The following DMXL1 variants were observed in gnomAD, a reference collection of about 807,000 sequenced individuals.
DMXL1 encodes the protein dmX-like protein 1.
In DMXL1, 99 loss-of-function variants were observed where a neutral mutation model predicts 319.2. That is an observed-to-expected ratio of 0.31 (90% confidence interval 0.26 to 0.37). DMXL1 has a LOEUF of 0.37. DMXL1 is among the 10% of genes least tolerant of loss of function. The pLI is 1.00. For missense variants in DMXL1, 3,745 were observed against 3,595.6 expected, an observed-to-expected ratio of 1.04 and a Z score of -1.06; for synonymous variants, 1,385 against 1,235.2, an observed-to-expected ratio of 1.12 and a Z score of -2.54.
intron 13 of DMXL1, among the ~76,000 whole-genome samples, chr5:119,140,186 ATAACC>A (rs1766994369): frequency 6.6e-6 from 1 of 152,222 alleles, no homozygotes; most frequent in Non-Finnish European, 1.5e-5. Flanking sequence ...TCTCAAACTA[ATAACC>A]TAACATCACT....
intron 30 of DMXL1, among the ~76,000 whole-genome samples, chr5:119,194,768 C>T (rs972102178): frequency 2.0e-5 from 3 of 151,880 alleles, no homozygotes; most frequent in African/African-American, 7.3e-5. Flanking sequence ...AAAAAATGAA[C>T]AAAGGGCTGG....
intron 28 of DMXL1, among the ~76,000 whole-genome samples, chr5:119,186,961 A>T (rs1205128793): frequency 6.6e-6 from 1 of 152,042 alleles, no homozygotes; most frequent in Non-Finnish European, 1.5e-5. Context: ...GCATTAGGAG[A>T]TATATCTAAT....
At chr5:119,223,779 A>G (rs762332144) in intron 37 of DMXL1, among the ~76,000 whole-genome samples, 3 of 152,176 alleles carry the variant, frequency 2.0e-5, no homozygotes, top group Admixed American at 6.5e-5. Context: ...TCCTGTGAAT[A>G]TTAAAAAAAG....
At position 119,214,470 on chromosome 5, in the gene DMXL1, G is replaced by A. The variant is rs563046420; in HGVS notation, c.7927-2431G>A. On this transcript the variant is annotated intron_variant, in intron 34 of 43. Transcript: ENST00000539542. ...CTTTTCAAAATCCACCAATGGTTTCGCTGCCTTAGAACAGGATTTGAACTC... is the reference window on the plus strand; with the variant it reads ...CTTTTCAAAATCCACCAATGGTTTCACTGCCTTAGAACAGGATTTGAACTC... Among the ~76,000 whole-genome samples the A allele has an allele frequency of 4.6e-5, 7 of 152,130 alleles. No homozygotes were observed. In the East Asian group the frequency reaches 7.7e-4, roughly 17 times the overall value.
At chr5:119,114,571 A>T (rs1242630003) in intron 6 of DMXL1, 30 bp downstream of exon 6, 1 of 1,481,596 alleles carries the variant, frequency 6.7e-7, no homozygotes, top group African/African-American at 1.4e-5. Context: ...TTGCCAAATT[A>T]TGTGTTTATA....
chr5:119,122,099 A>C (rs1430699559), intron 9 of DMXL1, among the ~76,000 whole-genome samples: 1 of 98,804 alleles, frequency 1.0e-5, no homozygotes. Context: ...TGACCCCCCC[A>C]CCTCCCTCCC....
intron 38 of DMXL1, among the ~76,000 whole-genome samples, chr5:119,232,034 C>T (rs901567698): frequency 2.6e-5 from 4 of 151,996 alleles, no homozygotes; most frequent in Non-Finnish European, 5.9e-5. Context: ...TTTATGGCTA[C>T]TTACAGCACA....
intron 9 of DMXL1, chr5:119,126,706 T>G (rs1763658782): frequency 6.5e-6 from 1 of 153,194 alleles, no homozygotes; most frequent in Admixed American, 6.5e-5. Context: ...AACACTGATG[T>G]CCAAGCTGGC....
chr5:119,230,735 A>G (rs181927614), intron 38 of DMXL1, among the ~76,000 whole-genome samples: 29 of 152,280 alleles, frequency 1.9e-4, no homozygotes, highest in Non-Finnish European at 4.1e-4. Flanking sequence ...ACAAAAAATT[A>G]GCTGGGCGTG....
intron 13 of DMXL1, among the ~76,000 whole-genome samples, chr5:119,137,740 T>A (rs2150074093): frequency 6.6e-6 from 1 of 152,292 alleles, no homozygotes; most frequent in South Asian, 2.1e-4. Context: ...TCTTCCGCCA[T>A]GATTGTAAGT....
At chr5:119,113,181 G>T (rs1000288714) in intron 5 of DMXL1, among the ~76,000 whole-genome samples, 6 of 151,284 alleles carry the variant, frequency 4.0e-5, no homozygotes, top group African/African-American at 1.5e-4. Flanking sequence ...ATGTAGATCT[G>T]TACACCTGCA....
chr5:119,192,284 T>C (rs1778830615), intron 29 of DMXL1, among the ~76,000 whole-genome samples: 1 of 152,148 alleles, frequency 6.6e-6, no homozygotes, highest in Non-Finnish European at 1.5e-5. Context: ...TTTTCTCGAG[T>C]TTTACTCTGA....
chr5:119,218,215 A>C (rs1232115283), intron 35 of DMXL1, among the ~76,000 whole-genome samples: 2 of 151,808 alleles, frequency 1.3e-5, no homozygotes, highest in African/African-American at 4.8e-5. Flanking sequence ...TGTCTCTACA[A>C]AAAAAAATTA....
At chr5:119,143,635 C>G (rs562667078) in intron 13 of DMXL1, among the ~76,000 whole-genome samples, 1 of 151,950 alleles carries the variant, frequency 6.6e-6, no homozygotes, top group African/African-American at 2.4e-5. Flanking sequence ...TTATTTTTCT[C>G]TGTACCAACT....
intron 9 of DMXL1, among the ~76,000 whole-genome samples, chr5:119,122,490 C>T (rs1561641956): frequency 6.6e-6 from 1 of 151,836 alleles, no homozygotes; most frequent in Non-Finnish European, 1.5e-5. Flanking sequence ...GGCGGAGATG[C>T]TCCTCACTTC....
At chr5:119,152,640 C>T (rs750786027) in intron 19 of DMXL1, among the ~76,000 whole-genome samples, 2 of 152,104 alleles carry the variant, frequency 1.3e-5, no homozygotes, top group African/African-American at 4.8e-5. Context: ...TCTTATTAAA[C>T]GATTATTGTA....
intron 1 of DMXL1, among the ~76,000 whole-genome samples, chr5:119,094,347 C>G (rs1339838538): frequency 6.6e-6 from 1 of 152,228 alleles, no homozygotes; most frequent in Non-Finnish European, 1.5e-5. Flanking sequence ...TGCCTGTGCT[C>G]TACAAGTGGA....
rs1337838404 is a variant in DMXL1, at chr5:119,202,877, A to ATATT, written c.7746-439_7746-438insTTAT. Among the ~76,000 whole-genome samples, 267 of 108,078 alleles carry ATATT rather than the reference A, an allele frequency of 2.5e-3. 1 individual carries two copies. The highest frequency in any genetic ancestry group is 8.8e-3 in the African/African-American group (258 of 29,432). 70.9% of individuals were successfully genotyped at this position (108,078 alleles called of 152,430 possible). The stretch of plus-strand genomic sequence containing the variant: ...AAAATATACATACATATATATATAT[A>ATATT]TATATTTTTATATATATATATATAT... On this transcript the variant is annotated intron_variant, in intron 32 of 43. Coordinates refer to ENST00000539542, the MANE Select transcript of DMXL1 (RefSeq NM_001290321.3).
chr5:119,145,390 G>T (rs1768288722), intron 15 of DMXL1, among the ~76,000 whole-genome samples: 1 of 151,464 alleles, frequency 6.6e-6, no homozygotes, highest in African/African-American at 2.4e-5. Flanking sequence ...TCTTACCATT[G>T]CTTTTAGTCT....
Sources: gnomAD v4.1 joint callset for allele counts (sites outside exome capture counted in the v4.1 genomes callset) on GRCh38, gnomAD v4.1.1 for gene constraint, MANE v1.5 for transcripts, NCBI Gene and HGNC (gene_info 2026-07-23, HGNC 2026-07-21) for gene names.